TK1: variants seen among roughly 807,000 people sequenced by gnomAD.
TK1 encodes the protein thymidine kinase, cytosolic.
A neutral mutation model predicts 22.4 loss-of-function variants in TK1; 13 were observed. That is an observed-to-expected ratio of 0.58 (90% CI 0.38 to 0.92). The LOEUF is 0.92. TK1 is among the 40% of genes least tolerant of loss of function. The probability of loss-of-function intolerance (pLI) is 0.00; values close to 1 mark genes in which losing one functional copy is unlikely to be tolerated. For missense variants in TK1, 251 were observed against 315.7 expected, an observed-to-expected ratio of 0.80 and a Z score of 1.55; for synonymous variants, 134 against 125.4, an observed-to-expected ratio of 1.07 and a Z score of -0.46.
At chr17:78,176,400 GGTCT>G (rs2075700082) in intron 4 of TK1, among the ~76,000 whole-genome samples, 1 of 152,062 alleles carries the variant, frequency 6.6e-6, no homozygotes, top group African/African-American at 2.4e-5. Context: ...TTGGGTGCAG[GGTCT>G]CTCTCCCAGG....
chr17:78,180,499 T>C (rs922615317), intron 4 of TK1, among the ~76,000 whole-genome samples: 1 of 152,056 alleles, frequency 6.6e-6, no homozygotes, highest in South Asian at 2.1e-4. Flanking sequence ...AAAACTAAGA[T>C]AACAGAAAAT....
At position 78,183,400 on chromosome 17, in the gene TK1, T is replaced by A. The variant is rs1300648154; in HGVS notation, c.210-718A>T. On this transcript the variant is annotated intron_variant, in intron 3 of 6. Transcript: ENST00000301634. The stretch of plus-strand genomic sequence containing the variant: ...TAATTATGTTGCAAAACATAAATTT[T>A]TAAAATCCTGTATTCTGGCCAGACA... Among the ~76,000 whole-genome samples, 6 of 152,330 alleles carry A rather than the reference T, an allele frequency of 3.9e-5. No homozygotes were observed. The East Asian group carries it at 1.2e-3, about 29-fold the overall frequency.
chr17:78,174,956 C>A lies in TK1; in HGVS notation c.514-6G>T. 6.2e-7 allele frequency: 1 copy of A among 1,611,956 alleles called. No homozygotes were observed. On this transcript the variant is annotated splice_polypyrimidine_tract_variant and splice_region_variant and intron_variant, in intron 6 of 6. Transcript: ENST00000301634. ...GCTCCCCCAATCACCTCGACCTGGCCGCAGGGACAGGGGATGGGTGAAGGG... is the reference window on the plus strand; with the variant it reads ...GCTCCCCCAATCACCTCGACCTGGCAGCAGGGACAGGGGATGGGTGAAGGG...
intron 2 of TK1, among the ~76,000 whole-genome samples, chr17:78,185,796 C>A (rs1438742638): frequency 6.6e-6 from 1 of 152,170 alleles, no homozygotes. Flanking sequence ...TTCCAAAGCG[C>A]TGGGATTAAA....
rs1191710700 is a variant in TK1 at position 78,185,120 on chromosome 17, G to T, written c.144C>A (p.Tyr48Ter). Residue 48 changes from tyrosine to a stop codon, truncating the protein, a stop_gained, in exon 3 of 7, where the codon TAC becomes TAA. Coordinates refer to ENST00000301634, the MANE Select transcript of TK1 (RefSeq NM_003258.5). LOFTEE classifies it high-confidence loss of function. ...RRVRRFQIAQ[Y>*]KCLVIKYAKD... ...TGGCATACTTGATCACCAGGCACTT[G>T]TACTGAGCAATCTGGAAGCGACGGA... is the stretch of plus-strand genomic sequence containing the variant. 1 of 1,611,976 alleles carries T rather than the reference G, an allele frequency of 6.2e-7. No homozygotes were observed. Among genetic ancestry groups the T allele is most frequent in the Non-Finnish European group, 8.5e-7 (1 of 1,179,604 alleles).
At chr17:78,183,892 C>T (rs2075758272) in intron 3 of TK1, 1 of 152,266 alleles carries the variant, frequency 6.6e-6, no homozygotes, top group African/African-American at 2.4e-5. Context: ...CCTGCAAGGG[C>T]AGCCTCTCGA....
chr17:78,179,528 C>T, intron 4 of TK1: 2 of 985,386 alleles, frequency 2.0e-6, no homozygotes, highest in Non-Finnish European at 2.4e-6. Context: ...GGGCAGATGC[C>T]CCGCACAGGG....
Position 78,186,999 on chromosome 17 carries a change from C to A in TK1, c.-5G>T. 8.2e-6 allele frequency: 13 copies of A among 1,585,794 alleles called. No homozygotes were observed. Among genetic ancestry groups the A allele is most frequent in the Non-Finnish European group, 1.1e-5 (13 of 1,166,574 alleles). On this transcript the variant is annotated 5_prime_UTR_variant, in exon 1 of 7. Coordinates refer to ENST00000301634, the MANE Select transcript of TK1 (RefSeq NM_003258.5). Reference sequence around the variant, plus strand: ...GGGCAGGTTAATGCAGCTCATTGCGCCTCCGGGAAGTTCACGAACCCGAGT... The same window carrying A: ...GGGCAGGTTAATGCAGCTCATTGCGACTCCGGGAAGTTCACGAACCCGAGT...
At chr17:78,182,718 G>A (rs1598969367) in intron 3 of TK1, 36 bp from the exon 4 acceptor site, 2 of 1,494,582 alleles carry the variant, frequency 1.3e-6, no homozygotes, top group East Asian at 2.5e-5. Flanking sequence ...GCAGGGCCAG[G>A]GAGGCCAGAA....
At position 78,175,168 on chromosome 17, in the gene TK1, G is replaced by T. The variant is rs1233261986; in HGVS notation, c.395C>A (p.Pro132Gln). The change falls in exon 6 of 7, where the codon CCA becomes CAA. Residue 132 changes from proline to glutamine, a missense_variant and splice_region_variant. Physicochemically the swap from Pro to Gln is moderately conservative, Grantham distance 76. Transcript: ENST00000301634. ...AALDGTFQRKPFGAILNLVPL... is the reference protein window; with the variant it reads ...AALDGTFQRKQFGAILNLVPL... Reference sequence around the variant, plus strand: ...CACCAGGTTCAGGATGGCCCCAAATGGCTGCGCTCCCATGGAAAGACAGAG... The same window carrying T: ...CACCAGGTTCAGGATGGCCCCAAATTGCTGCGCTCCCATGGAAAGACAGAG... 6.2e-7 allele frequency: 1 copy of T among 1,612,614 alleles called. No individual in the cohort carries two copies. Among genetic ancestry groups the T allele is most frequent in the East Asian group, 2.2e-5 (1 of 44,818 alleles).
chr17:78,176,141 G>A lies in TK1; in HGVS notation c.304-523C>T, dbSNP rs76030739. Among the ~76,000 whole-genome samples the A allele has an allele frequency of 2.3e-3, 351 of 152,292 alleles. 7 individuals are homozygous for A. In the East Asian group the frequency reaches 0.063, roughly 27 times the overall value. ...CTCCCCCGTTTTAAACGGGTAATGT[G>A]CCTTGAGAAGGGGCGGGGGTCCTAC... On this transcript the variant is annotated intron_variant, in intron 4 of 6. Coordinates refer to ENST00000301634, the MANE Select transcript of TK1 (RefSeq NM_003258.5).
chr17:78,177,635 G>A (rs527626829), intron 4 of TK1, among the ~76,000 whole-genome samples: 7 of 146,992 alleles, frequency 4.8e-5, no homozygotes, highest in South Asian at 2.2e-4. Flanking sequence ...GTGCAGTGGC[G>A]TGATCTCAGC....
chr17:78,179,549 G>A lies in TK1; in HGVS notation c.303+3040C>T, dbSNP rs961337820. 49 of 985,302 alleles carry A rather than the reference G, an allele frequency of 5.0e-5. No individual in the cohort carries two copies. In the African/African-American group the frequency reaches 5.9e-4, roughly 12 times the overall value. The allele number at this position is 985,302 out of a possible 1,614,324, so 61.0% of individuals were successfully genotyped here. A position where few individuals can be genotyped will look rare whatever the true frequency, so the allele number is the denominator to read the frequency against. ...ATGCCCCGCACAGGGGAAGGGACCC[G>A]TCAGCCTCCCCACGGGAATGGAATT... On this transcript the variant is annotated intron_variant, in intron 4 of 6. Coordinates refer to ENST00000301634, the MANE Select transcript of TK1 (RefSeq NM_003258.5).
intron 3 of TK1, among the ~76,000 whole-genome samples, chr17:78,184,269 G>A (rs1466043890): frequency 6.6e-6 from 1 of 152,232 alleles, no homozygotes; most frequent in East Asian, 1.9e-4. Flanking sequence ...CACACGCCGG[G>A]TGGATCTGTT....
intron 4 of TK1, among the ~76,000 whole-genome samples, chr17:78,181,683 T>C (rs923114560): frequency 2.0e-5 from 3 of 151,786 alleles, no homozygotes; most frequent in Non-Finnish European, 4.4e-5. Context: ...CTAAAAAAGG[T>C]ACTTCAACAA....
chr17:78,183,454 A>T (rs1205948094), intron 3 of TK1, among the ~76,000 whole-genome samples: 1 of 152,168 alleles, frequency 6.6e-6, no homozygotes, highest in Non-Finnish European at 1.5e-5. Context: ...ATCTTTGGGG[A>T]GGCCAAGACG....
intron 4 of TK1, among the ~76,000 whole-genome samples, chr17:78,176,077 A>C (rs1001161630): frequency 1.3e-4 from 20 of 152,168 alleles, no homozygotes; most frequent in East Asian, 3.9e-4. Context: ...AGTTATATAC[A>C]TGCTCTTCGG....
chr17:78,186,134 G>T (rs2145831669), intron 2 of TK1, among the ~76,000 whole-genome samples: 1 of 152,000 alleles, frequency 6.6e-6, no homozygotes, highest in East Asian at 1.9e-4. Context: ...GAGGCGGGGG[G>T]GTGCACGCCT....
At chr17:78,182,908 G>T (rs2075748045) in intron 3 of TK1, among the ~76,000 whole-genome samples, 1 of 152,180 alleles carries the variant, frequency 6.6e-6, no homozygotes, top group African/African-American at 2.4e-5. Flanking sequence ...ACCCAGGCTG[G>T]AGTGCAGTGG....
Sources: gnomAD v4.1 joint callset for allele counts (sites outside exome capture counted in the v4.1 genomes callset) on GRCh38, gnomAD v4.1.1 for gene constraint, MANE v1.5 for transcripts, NCBI Gene and HGNC (gene_info 2026-07-23, HGNC 2026-07-21) for gene names.